Variants in SLC7A5 observed in about 807,000 individuals in gnomAD.
The protein encoded by SLC7A5 is solute carrier family 7 member 5.
A neutral mutation model predicts 50.2 loss-of-function variants in SLC7A5; 23 were observed. That is an observed-to-expected ratio of 0.46 (90% CI 0.33 to 0.65). The LOEUF (loss-of-function observed/expected upper bound fraction) is 0.65, where lower values mean the gene tolerates loss of function less well. Ranked by LOEUF, SLC7A5 falls within the 30% of genes least tolerant of loss-of-function variation. SLC7A5 has a pLI of 0.02. For missense variants in SLC7A5, 578 were observed against 684.4 expected, an observed-to-expected ratio of 0.84 and a Z score of 1.73; for synonymous variants, 393 against 330.6, an observed-to-expected ratio of 1.19 and a Z score of -2.05.
chr16:87,864,355 G>T (rs879810334), intron 1 of SLC7A5, among the ~76,000 whole-genome samples: 4 of 152,070 alleles, frequency 2.6e-5, no homozygotes, highest in Non-Finnish European at 5.9e-5. Context: ...GCTTTTCACT[G>T]CTCCAGGAGC....
chr16:87,837,715 G>A, intron 7 of SLC7A5, 130 bp downstream of exon 7: 2 of 711,724 alleles, frequency 2.8e-6, no homozygotes, highest in South Asian at 3.4e-5. Flanking sequence ...GCGGAGCTCG[G>A]CAGGAGGCCA....
chr16:87,833,167 C>T lies in SLC7A5; in HGVS notation c.1469-142G>A, dbSNP rs2054954127. 1.3e-6 allele frequency: 1 copy of T among 751,770 alleles called. No individual in the cohort carries two copies. The highest frequency in any genetic ancestry group is 1.7e-5 in the African/African-American group (1 of 57,602). 46.6% of individuals were successfully genotyped at this position (751,770 alleles called of 1,614,324 possible). ...CAGCGCTGGGATTTTAAGGAACCTT[C>T]CCTTGTGTACTTGCGCATGTGGGTG... On this transcript the variant is annotated intron_variant, in intron 9 of 9. Transcript: ENST00000261622. This position sits in a 1 kb window ranked among gnomAD's most constrained non-coding sequence, Gnocchi z 6.0.
At chr16:87,867,402 C>G (rs1033939254) in intron 1 of SLC7A5, among the ~76,000 whole-genome samples, 2 of 152,238 alleles carry the variant, frequency 1.3e-5, no homozygotes, top group African/African-American at 4.8e-5. Flanking sequence ...CTGGAAGGCA[C>G]AGGCTCTCCC....
In SLC7A5 at chr16:87,861,215, G is replaced by A. The variant is rs564781772; in HGVS notation, c.538+7670C>T. On this transcript the variant is annotated intron_variant, in intron 1 of 9. Transcript: ENST00000261622. The surrounding 1 kb of genome is among the most constrained non-coding windows in gnomAD (Gnocchi z 4.2). ...CAGGCCTACTGGGGGGCAGAACCCT[G>A]TGGCTGTCCAGGGTACCTGGATGTG... is the stretch of plus-strand genomic sequence containing the variant. Among the ~76,000 whole-genome samples, 3 of 152,332 alleles carry A rather than the reference G, an allele frequency of 2.0e-5. No homozygotes were observed. In the South Asian group the frequency reaches 6.2e-4, roughly 32 times the overall value.
At chr16:87,842,296 G>A (rs1451825267) in intron 2 of SLC7A5, among the ~76,000 whole-genome samples, 8 of 152,312 alleles carry the variant, frequency 5.3e-5, no homozygotes, top group Middle Eastern at 3.4e-3. Flanking sequence ...AGGCAGGGAC[G>A]GGCCCTGGGG....
intron 2 of SLC7A5, among the ~76,000 whole-genome samples, chr16:87,850,573 G>A (rs537204800): frequency 6.6e-6 from 1 of 152,342 alleles, no homozygotes; most frequent in African/African-American, 2.4e-5. Context: ...ATCTCTACCT[G>A]AGGCTCTGGG....
chr16:87,844,335 G>A (rs1179585850), intron 2 of SLC7A5, among the ~76,000 whole-genome samples: 2 of 152,224 alleles, frequency 1.3e-5, no homozygotes, highest in South Asian at 2.1e-4. Flanking sequence ...CCCCGAGAGC[G>A]GGGTAATTGC....
rs1265318599 is a variant in SLC7A5, at chr16:87,835,694, T to G, written c.1290+804A>C. On this transcript the variant is annotated intron_variant, in intron 8 of 9. Transcript: ENST00000261622. ...TTTCACCGTGTTAGCCAGGATGGTC[T>G]CTATCTCCTGACTTTGTGATCTGCC... Among the ~76,000 whole-genome samples, 6 of 152,216 alleles carry G rather than the reference T, an allele frequency of 3.9e-5. No individual in the cohort carries two copies. In the East Asian group the frequency reaches 1.2e-3, roughly 29 times the overall value.
chr16:87,855,113 T>G (rs2055298880), intron 1 of SLC7A5, among the ~76,000 whole-genome samples: 1 of 152,208 alleles, frequency 6.6e-6, no homozygotes, highest in African/African-American at 2.4e-5. Flanking sequence ...ACCCTGAGGC[T>G]CACGCAGGAG....
intron 1 of SLC7A5, among the ~76,000 whole-genome samples, chr16:87,866,510 G>A (rs985004547): frequency 9.9e-5 from 15 of 152,078 alleles, no homozygotes; most frequent in Admixed American, 3.3e-4. Flanking sequence ...TTGTTGCCCA[G>A]GCTGGAGTGC....
intron 1 of SLC7A5, among the ~76,000 whole-genome samples, chr16:87,856,472 A>T (rs1402332993): frequency 1.3e-5 from 2 of 152,146 alleles, no homozygotes; most frequent in Non-Finnish European, 2.9e-5. Flanking sequence ...GCGGCAGCTG[A>T]CCACAGCAAC....
rs1013997447 is a variant in SLC7A5, at chr16:87,841,882, C to T, written c.665-727G>A. Among the ~76,000 whole-genome samples the T allele has an allele frequency of 6.6e-6, 1 of 152,224 alleles. No homozygotes were observed. The highest frequency in any genetic ancestry group is 2.4e-5 in the African/African-American group (1 of 41,464). ...AACTTCAGTCACATCTGCGAAGACCCTTTTTCCAAATAAGGCCACCAGCAT... is the reference window on the plus strand; with the variant it reads ...AACTTCAGTCACATCTGCGAAGACCTTTTTTCCAAATAAGGCCACCAGCAT... On this transcript the variant is annotated intron_variant, in intron 2 of 9. Transcript: ENST00000261622. The surrounding 1 kb of genome is among the most constrained non-coding windows in gnomAD (Gnocchi z 4.8).
intron 3 of SLC7A5, 25 bp from the exon 4 acceptor site, chr16:87,840,498 A>C: frequency 6.4e-7 from 1 of 1,563,472 alleles, no homozygotes; most frequent in Non-Finnish European, 8.8e-7. Context: ...ACAGCGTTCA[A>C]ATTATATGAT....
At chr16:87,838,858 G>A (rs768717472) in intron 5 of SLC7A5, 41 bp from the exon 6 acceptor site, 1 of 1,472,884 alleles carries the variant, frequency 6.8e-7, no homozygotes, top group Non-Finnish European at 9.5e-7. Context: ...CACCGGGCCG[G>A]CCCTCGCCCT....
intron 1 of SLC7A5, among the ~76,000 whole-genome samples, chr16:87,864,571 A>C (rs111603000): frequency 0.028 from 4,334 of 152,228 alleles, 211 homozygotes; most frequent in African/African-American, 0.098. Context: ...CAGCCTCAGC[A>C]AAGCCCACCT....
intron 1 of SLC7A5, among the ~76,000 whole-genome samples, chr16:87,859,697 T>C (rs376326870): frequency 1.1e-3 from 170 of 152,164 alleles, no homozygotes; most frequent in African/African-American, 3.8e-3. Context: ...TCCCAGCACT[T>C]TGGGAGGCTG....
At chr16:87,840,774 G>A (rs1242872302) in intron 3 of SLC7A5, among the ~76,000 whole-genome samples, 2 of 152,224 alleles carry the variant, frequency 1.3e-5, no homozygotes, top group Non-Finnish European at 2.9e-5. Context: ...GAAAGGGGCC[G>A]CAGGGCTCAG....
rs901857282 is a variant in SLC7A5 at position 87,832,693 on chromosome 16, A to T, written c.*277T>A. ...TAAGTTTAAAAAAAATATATATATA[A>T]GTAAACAAAGGAGGGAAGGGAAAAA... On this transcript the variant is annotated 3_prime_UTR_variant, in exon 10 of 10. Coordinates refer to ENST00000261622, the MANE Select transcript of SLC7A5 (RefSeq NM_003486.7). The surrounding 1 kb of genome is among the most constrained non-coding windows in gnomAD (Gnocchi z 4.6). 1.9e-5 allele frequency: 5 copies of T among 265,194 alleles called. No homozygotes were observed. Among genetic ancestry groups the T allele is most frequent in the Non-Finnish European group, 3.7e-5 (5 of 135,814 alleles). The allele number at this position is 265,194 out of a possible 1,614,324, so 16.4% of individuals were successfully genotyped here. A position where few individuals can be genotyped will look rare whatever the true frequency, so the allele number is the denominator to read the frequency against.
rs1222438769 is a variant in SLC7A5, at chr16:87,841,392, C to A, written c.665-237G>T. ...CTGTGCCCACCTGAGAGGGCACAGG[C>A]AGTTCTGACCACTGCCCAGGAGGGC... On this transcript the variant is annotated intron_variant, in intron 2 of 9. Transcript: ENST00000261622. The surrounding 1 kb of genome is among the most constrained non-coding windows in gnomAD (Gnocchi z 4.8). 2.0e-5 allele frequency among the ~76,000 whole-genome samples: 3 copies of A among 152,192 alleles called. No individual in the cohort carries two copies. The highest frequency in any genetic ancestry group is 2.9e-5 in the Non-Finnish European group (2 of 68,018).
Sources: gnomAD v4.1 joint callset for allele counts (sites outside exome capture counted in the v4.1 genomes callset) on GRCh38, gnomAD v4.1.1 for gene constraint, Gnocchi (gnomAD v3.1) non-coding constraint, MANE v1.5 for transcripts, NCBI Gene and HGNC (gene_info 2026-07-23, HGNC 2026-07-21) for gene names.